Variants in TEDC1 observed in about 807,000 individuals in gnomAD.
TEDC1 encodes tubulin epsilon and delta complex protein 1.
In TEDC1, 54 loss-of-function variants were observed where a neutral mutation model predicts 59.9. The observed-to-expected ratio is 0.90, with a 90% CI of 0.72 to 1.13. The LOEUF (loss-of-function observed/expected upper bound fraction) is 1.13, where lower values mean the gene tolerates loss of function less well. Ranked by LOEUF, TEDC1 falls within the 50% of genes most tolerant of loss-of-function variation. The probability of loss-of-function intolerance (pLI) is 0.00; values close to 1 mark genes in which losing one functional copy is unlikely to be tolerated. For missense variants in TEDC1, 734 were observed against 683.4 expected, an observed-to-expected ratio of 1.07 and a Z score of -0.83; for synonymous variants, 353 against 298.1, an observed-to-expected ratio of 1.18 and a Z score of -1.90.
chr14:105,498,666 C>G lies in TEDC1; in HGVS notation c.1208C>G (p.Ser403Cys), dbSNP rs1555441012. 6.4e-7 allele frequency: 1 copy of G among 1,554,252 alleles called. No homozygotes were observed. The highest frequency in any genetic ancestry group is 8.7e-7 in the Non-Finnish European group (1 of 1,149,526). Reference protein sequence around the residue: ...GPEWSAARRASREAVEKELGA... With the variant: ...GPEWSAARRACREAVEKELGA... Reference sequence around the variant, plus strand: ...GAGTGGAGTGCCGCGCGGCGGGCCTCTCGGGAGGCTGTGGAAAAGGAGCTG... The same window carrying G: ...GAGTGGAGTGCCGCGCGGCGGGCCTGTCGGGAGGCTGTGGAAAAGGAGCTG... Residue 403 changes from serine to cysteine, a missense_variant, in exon 9 of 9, where the codon TCT becomes TGT. Physicochemically the swap from Ser to Cys is moderately radical, Grantham distance 112 (BLOSUM62 -1). Transcript: ENST00000392523.
At chr14:105,493,800 G>A (rs782407779) in intron 4 of TEDC1, 35 bp from the exon 5 acceptor site, 6 of 1,509,166 alleles carry the variant, frequency 4.0e-6, no homozygotes, top group Admixed American at 1.7e-5. Flanking sequence ...GTGCTTGACT[G>A]CCACTCAGCC....
rs1434387435 is a variant in TEDC1, at chr14:105,496,011, G to T, written c.816G>T (p.Leu272=). ...GGCTGGTATGTGAGCAGCCAGGTCTGCTGCCGGGTGACTGGGCAGCACCCT... is the reference window on the plus strand; with the variant it reads ...GGCTGGTATGTGAGCAGCCAGGTCTTCTGCCGGGTGACTGGGCAGCACCCT... ...DLWLVCEQPG[L]LPGDWAAPLD... is the part of the protein sequence containing the mutation. Residue 272 remains leucine, a synonymous_variant, in exon 6 of 9, where the codon CTG becomes CTT. Coordinates refer to ENST00000392523, the MANE Select transcript of TEDC1 (RefSeq NM_001367178.1). 5.8e-6 allele frequency: 9 copies of T among 1,550,220 alleles called. No homozygotes were observed. The East Asian group carries it at 1.5e-4, about 25-fold the overall frequency.
intron 4 of TEDC1, 68 bp from the exon 5 acceptor site, chr14:105,493,767 A>C: frequency 1.7e-6 from 2 of 1,157,718 alleles, no homozygotes; most frequent in Non-Finnish European, 2.5e-6. Flanking sequence ...CCCTGGACTC[A>C]TGGAGACTCA....
chr14:105,492,523 C>G, intron 3 of TEDC1, 56 bp from the exon 4 acceptor site: 8 of 1,511,568 alleles, frequency 5.3e-6, no homozygotes, highest in Admixed American at 2.1e-5. Flanking sequence ...CCATCCTGGC[C>G]TTTTCTGGGG....
rs2084412177 is a variant in TEDC1 at position 105,499,019 on chromosome 14, C to A, written c.*73C>A. The A allele has an allele frequency of 3.4e-6, 5 of 1,459,890 alleles. No individual in the cohort carries two copies. Among genetic ancestry groups the A allele is most frequent in the Non-Finnish European group, 4.6e-6 (5 of 1,094,514 alleles). 90.4% of individuals were successfully genotyped at this position (1,459,890 alleles called of 1,614,324 possible). A position where few individuals can be genotyped will look rare whatever the true frequency, so the allele number is the denominator to read the frequency against. ...TGGCTGGGTCTTGGAGGAGCAGATT[C>A]CAAGGCCAGGTGGCCGCAGGGACGA... On this transcript the variant is annotated 3_prime_UTR_variant, in exon 9 of 9. Transcript: ENST00000392523.
At position 105,498,774 on chromosome 14, in the gene TEDC1, G is replaced by C; in HGVS notation, c.1316G>C (p.Gly439Ala). 6.4e-7 allele frequency: 1 copy of C among 1,570,616 alleles called. No homozygotes were observed. ...GPHRLVRRED[G>A]AAGDRDLRAA... is the part of the protein sequence containing the mutation. ...CACCGGCTGGTGAGACGAGAGGATG[G>C]GGCAGCAGGGGACCGGGACCTGCGG... The change falls in exon 9 of 9, where the codon GGG becomes GCG. Residue 439 changes from glycine to alanine, a missense_variant. By Grantham distance (60) the Gly-to-Ala change is moderately conservative. Coordinates refer to ENST00000392523, the MANE Select transcript of TEDC1 (RefSeq NM_001367178.1).
intron 6 of TEDC1, chr14:105,497,111 C>T (rs1270391588): frequency 4.1e-5 from 24 of 581,124 alleles, no homozygotes; most frequent in South Asian, 6.4e-5. Flanking sequence ...AGGGCCTGGC[C>T]GTGCACTGGT....
intron 5 of TEDC1, chr14:105,495,198 G>A (rs587620199): frequency 6.5e-6 from 1 of 153,620 alleles, no homozygotes; most frequent in South Asian, 2.0e-4. Context: ...CTGAGTGACG[G>A]GCTGGCACTG....
At position 105,493,873 on chromosome 14, in the gene TEDC1, C is replaced by G. The variant is rs782759694; in HGVS notation, c.624C>G (p.Ser208Arg). 6.2e-7 allele frequency: 1 copy of G among 1,605,698 alleles called. No homozygotes were observed. The highest frequency in any genetic ancestry group is 8.5e-7 in the Non-Finnish European group (1 of 1,179,504). ...LYTRGCHSDQ[S>R]LSHLSVTEAE... ...CACGCGGCTGCCACAGCGACCAGAG[C>G]CTTAGCCATCTGTCTGTCACTGAAG... The change falls in exon 5 of 9, where the codon AGC (serine) becomes AGG (arginine). Residue 208 changes from serine (S) to arginine (R), a missense_variant. Coordinates refer to ENST00000392523, the MANE Select transcript of TEDC1 (RefSeq NM_001367178.1).
chr14:105,497,757 C>G, intron 7 of TEDC1, 41 bp from the exon 8 acceptor site: 2 of 1,490,782 alleles, frequency 1.3e-6, no homozygotes, highest in Non-Finnish European at 1.8e-6. Flanking sequence ...TCCCTCTGTC[C>G]CCTTGGCTTG....
At chr14:105,493,737 T>A (rs906945300) in intron 4 of TEDC1, 98 bp from the exon 5 acceptor site, 1 of 793,372 alleles carries the variant, frequency 1.3e-6, no homozygotes, top group South Asian at 1.5e-5. Context: ...ATCTGGGAGG[T>A]GGGCTCTGAT....
Position 105,497,956 on chromosome 14 carries a change from G to A in TEDC1, c.1137G>A (p.Arg379=). 1 of 1,536,692 alleles carries A rather than the reference G, an allele frequency of 6.5e-7. No homozygotes were observed. Among genetic ancestry groups the A allele is most frequent in the Non-Finnish European group, 8.8e-7 (1 of 1,141,224 alleles). Residue 379 remains arginine (R), a synonymous_variant, in exon 8 of 9, where the codon AGG becomes AGA. Coordinates refer to ENST00000392523, the MANE Select transcript of TEDC1 (RefSeq NM_001367178.1). ...EEELREAAER[R]RAAWEAKAGG... is the part of the protein sequence containing the mutation. ...AGCTGCGGGAGGCTGCGGAGCGCAG[G>A]CGGGCGGCCTGGGAGGCCAAGGTGA...
At chr14:105,494,021 C>T (rs1443204591) in intron 5 of TEDC1, 88 bp downstream of exon 5, 6 of 282,930 alleles carry the variant, frequency 2.1e-5, no homozygotes, top group Non-Finnish European at 2.6e-5. Context: ...GGCCTGGGGG[C>T]GGGGCAGCTC....
Position 105,499,190 on chromosome 14 carries a change from TGGAGGGGACTC to T in TEDC1, c.*248_*258del. 1.8e-6 allele frequency: 1 copy of T among 569,880 alleles called. No individual in the cohort carries two copies. The highest frequency in any genetic ancestry group is 3.1e-6 in the Non-Finnish European group (1 of 321,922). 35.3% of individuals were successfully genotyped at this position (569,880 alleles called of 1,614,324 possible). On this transcript the variant is annotated 3_prime_UTR_variant, in exon 9 of 9. Coordinates refer to ENST00000392523, the MANE Select transcript of TEDC1 (RefSeq NM_001367178.1). ...TCGTGACAGGCTCAGCCTGGTGGTC[TGGAGGGGACTC>T]GGAAATAAATTGTAGCAGCTTTCCT... is the stretch of plus-strand genomic sequence containing the variant.
At chr14:105,491,565 G>T in intron 1 of TEDC1, 43 bp downstream of exon 1, 1 of 1,542,244 alleles carries the variant, frequency 6.5e-7, no homozygotes, top group South Asian at 1.2e-5. Context: ...TGGGGTCCCG[G>T]GCCCTCGCAG....
At position 105,498,939 on chromosome 14, in the gene TEDC1, G is replaced by T. The variant is rs782700947; in HGVS notation, c.1481G>T (p.Gly494Val). 6.2e-7 allele frequency: 1 copy of T among 1,602,634 alleles called. No homozygotes were observed. Among genetic ancestry groups the T allele is most frequent in the South Asian group, 1.1e-5 (1 of 89,584 alleles). The change falls in exon 9 of 9, where the codon GGA (glycine) becomes GTA (valine). Residue 494 changes from glycine to valine, a missense_variant. Transcript: ENST00000392523. ...GGTCTCATCTGGATCCCGCCACCTG[G>T]ACGCTGAGGGCCTGTCGACGGGCCC... ...RPGLIWIPPP[G>V]R
At position 105,494,041 on chromosome 14, in the gene TEDC1, C is replaced by T. The variant is rs587664633; in HGVS notation, c.684+108C>T. 1.7e-3 allele frequency: 1,432 copies of T among 835,944 alleles called. 8 individuals are homozygous for T. Among genetic ancestry groups the T allele is most frequent in the Non-Finnish European group, 2.2e-3 (1,146 of 529,544 alleles). 51.8% of individuals were successfully genotyped at this position (835,944 alleles called of 1,614,324 possible). A position where few individuals can be genotyped will look rare whatever the true frequency, so the allele number is the denominator to read the frequency against. On this transcript the variant is annotated intron_variant, in intron 5 of 8. Coordinates refer to ENST00000392523, the MANE Select transcript of TEDC1 (RefSeq NM_001367178.1). Reference sequence around the variant, plus strand: ...GGGGGCGGGGCAGCTCTTGGGCCTCCAGCGGTGGGTGTCTCTGCATGTCTG... The same window carrying T: ...GGGGGCGGGGCAGCTCTTGGGCCTCTAGCGGTGGGTGTCTCTGCATGTCTG...
chr14:105,491,002 G>A, upstream of TEDC1: 7 of 1,544,834 alleles, frequency 4.5e-6, no homozygotes, highest in Non-Finnish European at 6.1e-6. Context: ...GCCCGGAAGT[G>A]GGTCCGCACG....
At position 105,499,127 on chromosome 14, in the gene TEDC1, CAGCACTGGGGA is replaced by C. The variant is rs1653969756; in HGVS notation, c.*182_*192del. ...GGCCGGATCCCAGGCCTGTGGCTAG[CAGCACTGGGGA>C]CAGGAATGGCTGGTCCCTTGAGGAG... On this transcript the variant is annotated 3_prime_UTR_variant, in exon 9 of 9. Transcript: ENST00000392523. 1 of 667,838 alleles carries C rather than the reference CAGCACTGGGGA, an allele frequency of 1.5e-6. No individual in the cohort carries two copies. Among genetic ancestry groups the C allele is most frequent in the Non-Finnish European group, 2.5e-6 (1 of 399,022 alleles). 41.4% of individuals were successfully genotyped at this position (667,838 alleles called of 1,614,324 possible). A position where few individuals can be genotyped will look rare whatever the true frequency, so the allele number is the denominator to read the frequency against.
Sources: allele counts gnomAD v4.1 joint callset, GRCh38; gene constraint gnomAD v4.1.1; transcripts MANE v1.5; gene names NCBI Gene and HGNC (gene_info 2026-07-23, HGNC 2026-07-21).